TRPM1: variants seen among roughly 807,000 people sequenced by gnomAD.
TRPM1 encodes transient receptor potential cation channel subfamily M member 1.
A neutral mutation model predicts 149.4 loss-of-function variants in TRPM1; 113 were observed. The observed-to-expected ratio is 0.76, with a 90% CI of 0.65 to 0.88. The LOEUF (loss-of-function observed/expected upper bound fraction) is 0.88, where lower values mean the gene tolerates loss of function less well. TRPM1 is among the 40% of genes least tolerant of loss of function. The probability of loss-of-function intolerance (pLI) is 0.00; values close to 1 mark genes in which losing one functional copy is unlikely to be tolerated. For missense variants in TRPM1, 1,976 were observed against 2,038.7 expected (o/e 0.97, Z 0.59); for synonymous variants, 741 against 759.5 (o/e 0.98, Z 0.40).
chr15:31,013,571 C>T (rs1297479765), intron 27 of TRPM1, among the ~76,000 whole-genome samples: 1 of 151,948 alleles, frequency 6.6e-6, no homozygotes, highest in Non-Finnish European at 1.5e-5. Flanking sequence ...GTCCTTTTTC[C>T]TGTGTGTGGA....
chr15:31,127,111 G>C (rs1012473770), intron 1 of TRPM1, among the ~76,000 whole-genome samples: 1 of 152,202 alleles, frequency 6.6e-6, no homozygotes, highest in Admixed American at 6.5e-5. Context: ...CCATGAAGCT[G>C]GTTTGTGAAG....
intron 17 of TRPM1, among the ~76,000 whole-genome samples, chr15:31,041,740 A>G (rs1019210518): frequency 3.3e-5 from 5 of 152,228 alleles, no homozygotes; most frequent in Non-Finnish European, 7.3e-5. Context: ...TTTTGATGCA[A>G]AGAGAAGGCA....
At chr15:31,105,508 A>G (rs1214983030), upstream of TRPM1, among the ~76,000 whole-genome samples, 2 of 152,236 alleles carry the variant, frequency 1.3e-5, no homozygotes, top group Admixed American at 1.3e-4. Context: ...AAGAAAATGC[A>G]TCATGATAAT....
chr15:31,085,929 G>A (rs1054075318), intron 1 of TRPM1, among the ~76,000 whole-genome samples: 1 of 152,170 alleles, frequency 6.6e-6, no homozygotes, highest in African/African-American at 2.4e-5. Flanking sequence ...CTTAGAGAAA[G>A]ACCCCAGGCC....
intron 17 of TRPM1, among the ~76,000 whole-genome samples, 186 bp downstream of exon 17, chr15:31,041,765 C>T (rs553583180): frequency 2.0e-5 from 3 of 152,262 alleles, no homozygotes; most frequent in South Asian, 4.1e-4. Flanking sequence ...ACAAAAACAA[C>T]GACAGTCCAA....
At chr15:31,047,083 A>T (rs199780793) in intron 15 of TRPM1, 28 bp downstream of exon 15, 3 of 1,613,816 alleles carry the variant, frequency 1.9e-6, no homozygotes, top group Non-Finnish European at 2.5e-6. Flanking sequence ...CGCGAACCAC[A>T]GAACACTACA....
chr15:31,149,571 C>G (rs278354), intron 1 of TRPM1, among the ~76,000 whole-genome samples: 184 of 145,668 alleles, frequency 1.3e-3, no homozygotes, highest in East Asian at 0.011. Context: ...CCAGGCTGGA[C>G]TGCAGTGGCG....
At chr15:31,047,054 C>A (rs1054820401) in intron 15 of TRPM1, 57 bp downstream of exon 15, 1 of 1,612,378 alleles carries the variant, frequency 6.2e-7, no homozygotes, top group African/African-American at 1.3e-5. Context: ...GAAAAGCAAG[C>A]GAGGAACCAC....
intron 1 of TRPM1, among the ~76,000 whole-genome samples, chr15:31,118,138 A>G (rs1258234444): frequency 1.3e-5 from 2 of 152,106 alleles, no homozygotes; most frequent in Middle Eastern, 3.2e-3. Flanking sequence ...GCATGCCTGT[A>G]ATCTCACTAC....
chr15:31,139,763 A>G (rs1250989930), intron 1 of TRPM1, among the ~76,000 whole-genome samples: 1 of 152,226 alleles, frequency 6.6e-6, no homozygotes, highest in East Asian at 1.9e-4. Flanking sequence ...TGCGTGCTGT[A>G]AAATGGTTAG....
chr15:31,007,838 A>G (rs1034061185), intron 27 of TRPM1, among the ~76,000 whole-genome samples: 3 of 152,146 alleles, frequency 2.0e-5, no homozygotes, highest in African/African-American at 7.2e-5. Context: ...CATTTATTTA[A>G]GTGATCTTTG....
At chr15:31,147,387 T>C (rs2036236288) in intron 1 of TRPM1, among the ~76,000 whole-genome samples, 1 of 152,366 alleles carries the variant, frequency 6.6e-6, no homozygotes, top group East Asian at 1.9e-4. Context: ...GTTCTAAAAT[T>C]AAATTAAATC....
intron 1 of TRPM1, among the ~76,000 whole-genome samples, chr15:31,106,870 G>A (rs1422899921): frequency 6.6e-6 from 1 of 152,156 alleles, no homozygotes; most frequent in East Asian, 1.9e-4. Flanking sequence ...CATAGAGATT[G>A]TAGCATTTTG....
At chr15:31,132,934 C>A (rs1319767979) in intron 1 of TRPM1, among the ~76,000 whole-genome samples, 2 of 152,172 alleles carry the variant, frequency 1.3e-5, no homozygotes, top group Non-Finnish European at 2.9e-5. Context: ...GCCTCCCCAG[C>A]CATGTGGAAA....
At chr15:31,130,061 C>A (rs1006412823) in intron 1 of TRPM1, among the ~76,000 whole-genome samples, 2 of 152,190 alleles carry the variant, frequency 1.3e-5, no homozygotes, top group African/African-American at 2.4e-5. Context: ...CCATACAGAT[C>A]GGGAAGTAGC....
chr15:31,043,372 T>G (rs1195136812), intron 16 of TRPM1, among the ~76,000 whole-genome samples: 1 of 152,088 alleles, frequency 6.6e-6, no homozygotes, highest in Non-Finnish European at 1.5e-5. Flanking sequence ...TTTTGTATGT[T>G]TAGTAGAGAC....
At chr15:31,006,514 G>T (rs577840845) in intron 27 of TRPM1, among the ~76,000 whole-genome samples, 2 of 152,354 alleles carry the variant, frequency 1.3e-5, no homozygotes, top group East Asian at 3.9e-4. Context: ...CACAGCACCT[G>T]TTGAAGGACA....
chr15:31,046,283 T>G, intron 15 of TRPM1, 50 bp from the exon 16 acceptor site: 1 of 1,564,868 alleles, frequency 6.4e-7, no homozygotes. Flanking sequence ...AGATAACTAA[T>G]GTTAGTAGTA....
intron 3 of TRPM1, among the ~76,000 whole-genome samples, chr15:31,071,867 G>C (rs1429230194): frequency 6.6e-6 from 1 of 150,856 alleles, no homozygotes; most frequent in African/African-American, 2.4e-5. Context: ...GGGAGGCTGA[G>C]GCAGGAGAAT....
Sources: gnomAD v4.1 joint callset for allele counts (sites outside exome capture counted in the v4.1 genomes callset) on GRCh38, gnomAD v4.1.1 for gene constraint, MANE v1.5 for transcripts, NCBI Gene and HGNC (gene_info 2026-07-23, HGNC 2026-07-21) for gene names.